The following RTL4 variants were observed in gnomAD, a reference collection of about 807,000 sequenced individuals.
The protein encoded by RTL4 is retrotransposon Gag-like protein 4.
In RTL4, 4 loss-of-function variants were observed where a neutral mutation model predicts 5.3. The observed-to-expected ratio is 0.75, with a 90% CI of 0.37 to 1.72. The LOEUF (loss-of-function observed/expected upper bound fraction) is 1.72, where lower values mean the gene tolerates loss of function less well. Among genes scored for constraint, RTL4 ranks in the 40% most tolerant of loss-of-function variants. RTL4 has a pLI of 0.04. For synonymous variants in RTL4, 98 were observed against 87.3 expected, an observed-to-expected ratio of 1.12 and a Z score of -0.68; for missense variants, 260 against 227.1, an observed-to-expected ratio of 1.14 and a Z score of -0.93.
the RTL4 span, among the ~76,000 whole-genome samples, chrX:112,330,030 A>G: frequency 3.9e-5 from 4 of 102,847 alleles, no homozygotes; most frequent in South Asian, 1.4e-3. Context: ...AGAGCTATCT[A>G]TGACAAACCC....
chrX:112,358,130 G>A, the RTL4 span, among the ~76,000 whole-genome samples: 21 of 108,591 alleles, frequency 1.9e-4, no homozygotes, highest in Non-Finnish European at 3.4e-4. Flanking sequence ...TTATTTTTAG[G>A]CAGGGTCTCA....
At chrX:112,445,268 T>C in the RTL4 span, among the ~76,000 whole-genome samples, 4 of 112,434 alleles carry the variant, frequency 3.6e-5, no homozygotes, top group Admixed American at 1.9e-4. Context: ...TCTGTCCTTC[T>C]AACAATAGTT....
chrX:112,109,833 C>T, the RTL4 span, among the ~76,000 whole-genome samples: 62 of 111,377 alleles, frequency 5.6e-4, no homozygotes, highest in South Asian at 1.5e-3. Flanking sequence ...TGGATAGGGG[C>T]GAAGAAGGGG....
At chrX:112,441,452 A>C in the RTL4 span, among the ~76,000 whole-genome samples, 1 of 111,932 alleles carries the variant, frequency 8.9e-6, no homozygotes, top group Non-Finnish European at 1.9e-5. Flanking sequence ...TGAGCAGCCA[A>C]TAGGGGAGAG....
At chrX:112,285,504 T>G in the RTL4 span, among the ~76,000 whole-genome samples, 1 of 111,679 alleles carries the variant, frequency 9.0e-6, no homozygotes, top group Non-Finnish European at 1.9e-5. Context: ...TTGCCTTTTC[T>G]AAATCCAGCA....
the RTL4 span, among the ~76,000 whole-genome samples, chrX:112,339,085 C>T: frequency 6.4e-5 from 7 of 109,486 alleles, no homozygotes; most frequent in African/African-American, 1.0e-4. Flanking sequence ...AATTGAGGAT[C>T]GATATTATAA....
chrX:112,338,579 A>T, the RTL4 span, among the ~76,000 whole-genome samples: 1 of 112,012 alleles, frequency 8.9e-6, no homozygotes, highest in African/African-American at 3.2e-5. Context: ...AATTATATTA[A>T]TTAATTATTT....
the RTL4 span, among the ~76,000 whole-genome samples, chrX:112,193,803 T>C: frequency 8.9e-6 from 1 of 111,963 alleles, no homozygotes; most frequent in South Asian, 3.7e-4. Flanking sequence ...GTCTGAGTCA[T>C]TCTTATGCTT....
the RTL4 span, among the ~76,000 whole-genome samples, chrX:112,307,427 A>G: frequency 4.5e-5 from 5 of 112,018 alleles, no homozygotes; most frequent in African/African-American, 1.6e-4. Flanking sequence ...TGTCATTGAT[A>G]TTGTGTCAAT....
At chrX:112,395,048 A>G in the RTL4 span, among the ~76,000 whole-genome samples, 1 of 111,983 alleles carries the variant, frequency 8.9e-6, no homozygotes, top group African/African-American at 3.2e-5. Context: ...AAGAGATGTT[A>G]TCTATTGTAA....
the RTL4 span, among the ~76,000 whole-genome samples, chrX:112,390,160 T>TATATATATATATATA: frequency 1.8e-5 from 1 of 56,239 alleles, no homozygotes; most frequent in African/African-American, 6.9e-5. Flanking sequence ...TATATATATA[T>TATATATATATATATA]TTAGGATCGT....
At chrX:112,260,237 T>C in the RTL4 span, among the ~76,000 whole-genome samples, 1 of 110,992 alleles carries the variant, frequency 9.0e-6, no homozygotes, top group East Asian at 2.8e-4. Context: ...CTGAAGGAAA[T>C]AGGTCTAGCT....
At chrX:112,423,870 C>G in the RTL4 span, among the ~76,000 whole-genome samples, 1 of 111,879 alleles carries the variant, frequency 8.9e-6, no homozygotes. Context: ...TTGCCCAGGT[C>G]CTGGGGCTGT....
chrX:112,118,426 G>T, the RTL4 span, among the ~76,000 whole-genome samples: 3 of 112,409 alleles, frequency 2.7e-5, no homozygotes, highest in Non-Finnish European at 5.6e-5. Flanking sequence ...TAGGCTACCT[G>T]ATTGTCCTCA....
At chrX:112,128,678 A>AAAAAAAAG in the RTL4 span, among the ~76,000 whole-genome samples, 2 of 106,437 alleles carry the variant, frequency 1.9e-5, no homozygotes, top group African/African-American at 6.8e-5. Context: ...AAAAAAAAAA[A>AAAAAAAAG]GTAAAAGAAC....
chrX:112,455,889 G>T (rs747282006), exon 1 of RTL4: 5 of 387,269 alleles, frequency 1.3e-5, no homozygotes, highest in Non-Finnish European at 1.8e-5. Flanking sequence ...ACTTTCTGCA[G>T]TTGGGATTAA....
At chrX:112,227,637 G>T in the RTL4 span, among the ~76,000 whole-genome samples, 4 of 111,774 alleles carry the variant, frequency 3.6e-5, no homozygotes, top group Non-Finnish European at 7.5e-5. Context: ...TGTTCCAAGT[G>T]TAATAGTTGT....
At chrX:112,246,241 C>T in the RTL4 span, among the ~76,000 whole-genome samples, 3 of 111,961 alleles carry the variant, frequency 2.7e-5, no homozygotes, top group South Asian at 3.8e-4. Flanking sequence ...AGAACCATTG[C>T]TCTCTTCAGA....
chrX:112,111,506 G>A, the RTL4 span, among the ~76,000 whole-genome samples: 1 of 112,695 alleles, frequency 8.9e-6, no homozygotes, highest in Non-Finnish European at 1.9e-5. Flanking sequence ...ATTTCCTTGT[G>A]GTATTTAAAG....
Sources: allele counts gnomAD v4.1 joint callset (sites outside exome capture counted in the v4.1 genomes callset), GRCh38; gene constraint gnomAD v4.1.1; transcripts MANE v1.5; gene names NCBI Gene and HGNC (gene_info 2026-07-23, HGNC 2026-07-21).